Variants in SORD observed in about 807,000 individuals in gnomAD.
SORD encodes the protein sorbitol dehydrogenase.
Under a neutral mutation model 35.6 loss-of-function variants are expected in SORD, and 18 were observed. The observed-to-expected ratio is 0.51, with a 90% CI of 0.35 to 0.75. The LOEUF (loss-of-function observed/expected upper bound fraction) is 0.75, where lower values mean the gene tolerates loss of function less well. Ranked by LOEUF, SORD falls within the 30% of genes least tolerant of loss-of-function variation. The pLI is 0.01. For missense variants in SORD, 250 were observed against 390.2 expected (o/e 0.64, Z 3.03); for synonymous variants, 106 against 152.9 (o/e 0.69, Z 2.26).
intron 4 of SORD, among the ~76,000 whole-genome samples, chr15:45,063,762 C>A (rs1357982266): frequency 2.6e-5 from 4 of 152,162 alleles, no homozygotes; most frequent in African/African-American, 7.2e-5. Context: ...TGTCTAGGAA[C>A]CTGTGGAGTC....
At chr15:45,065,197 A>G (rs980552462) in intron 4 of SORD, 74 bp from the exon 5 acceptor site, 9 of 1,314,164 alleles carry the variant, frequency 6.8e-6, no homozygotes, top group East Asian at 2.3e-5. Context: ...TTACAGTGAC[A>G]TTGGGCATAT....
chr15:45,054,144 T>C (rs943269197), intron 3 of SORD, among the ~76,000 whole-genome samples: 2 of 152,138 alleles, frequency 1.3e-5, no homozygotes, highest in African/African-American at 4.8e-5. Context: ...ATTTATAGTC[T>C]TTTGGGTATA....
chr15:45,039,583 A>G (rs1307606660), intron 1 of SORD, among the ~76,000 whole-genome samples: 1 of 152,238 alleles, frequency 6.6e-6, no homozygotes, highest in Non-Finnish European at 1.5e-5. Flanking sequence ...TGCTACTGCT[A>G]CTACTACTAG....
chr15:45,055,241 C>G (rs1248538498), intron 3 of SORD, among the ~76,000 whole-genome samples: 1 of 151,626 alleles, frequency 6.6e-6, no homozygotes, highest in Non-Finnish European at 1.5e-5. Context: ...TTGGGCAGTG[C>G]TAGCAAGACT....
intron 1 of SORD, among the ~76,000 whole-genome samples, chr15:45,036,775 A>G (rs1892875658): frequency 6.6e-6 from 1 of 152,140 alleles, no homozygotes; most frequent in African/African-American, 2.4e-5. Context: ...GATTGAGATG[A>G]CAAAACCTTT....
intron 1 of SORD, 53 bp downstream of exon 1, chr15:45,023,402 G>T (rs1389187812): frequency 7.0e-7 from 1 of 1,428,938 alleles, no homozygotes; most frequent in Non-Finnish European, 9.3e-7. Flanking sequence ...ACTCTCCTCT[G>T]AGCCCAGCCA....
intron 1 of SORD, among the ~76,000 whole-genome samples, chr15:45,024,279 A>G (rs575254041): frequency 6.6e-6 from 1 of 152,292 alleles, no homozygotes; most frequent in East Asian, 1.9e-4. Flanking sequence ...ATGCGTCAGT[A>G]TGTAAACTGC....
chr15:45,039,317 T>C (rs1892928104), intron 1 of SORD, among the ~76,000 whole-genome samples: 3 of 152,172 alleles, frequency 2.0e-5, no homozygotes, highest in African/African-American at 7.2e-5. Context: ...TTGGTAGAGA[T>C]GGGTGTCACC....
At chr15:45,052,832 G>A (rs557759376) in intron 3 of SORD, among the ~76,000 whole-genome samples, 8 of 152,120 alleles carry the variant, frequency 5.3e-5, no homozygotes, top group Non-Finnish European at 1.2e-4. Flanking sequence ...CAGGCTGAGC[G>A]ATATGATAAC....
intron 3 of SORD, among the ~76,000 whole-genome samples, chr15:45,045,500 G>A (rs1265324522): frequency 5.3e-5 from 7 of 132,364 alleles, no homozygotes; most frequent in Middle Eastern, 6.5e-3. Flanking sequence ...GCCACTGCAT[G>A]CCAGCTTTCC....
intron 4 of SORD, among the ~76,000 whole-genome samples, chr15:45,062,383 G>A (rs1440459583): frequency 6.6e-6 from 1 of 152,216 alleles, no homozygotes. Context: ...GCCCCCCATG[G>A]CCCCAGCCGT....
chr15:45,038,362 G>C (rs1209251053), intron 1 of SORD, among the ~76,000 whole-genome samples: 2 of 152,142 alleles, frequency 1.3e-5, no homozygotes, highest in Non-Finnish European at 2.9e-5. Flanking sequence ...GATGTACCAT[G>C]TAGGGTTTTT....
chr15:45,062,410 G>A (rs1420585097), intron 4 of SORD, among the ~76,000 whole-genome samples: 4 of 152,200 alleles, frequency 2.6e-5, no homozygotes, highest in South Asian at 2.1e-4. Flanking sequence ...CTAGGGTGCC[G>A]AAGTGCCGCT....
At chr15:45,024,151 T>G (rs567090073) in intron 1 of SORD, among the ~76,000 whole-genome samples, 1 of 152,306 alleles carries the variant, frequency 6.6e-6, no homozygotes, top group East Asian at 1.9e-4. Context: ...AGCAGCCTAG[T>G]CATGCCAAGC....
chr15:45,048,699 A>T (rs1348806175), intron 3 of SORD, among the ~76,000 whole-genome samples: 1 of 152,218 alleles, frequency 6.6e-6, no homozygotes, highest in Non-Finnish European at 1.5e-5. Flanking sequence ...CATGACCAGG[A>T]AAATTAAGGA....
In SORD at chr15:45,064,038, G is replaced by T. The variant is rs375711359; in HGVS notation, c.426-1233G>T. On this transcript the variant is annotated intron_variant, in intron 4 of 8. Transcript: ENST00000267814. ...CTCCGAGTTATTCTGTTGAAGATTG[G>T]AGACAGTGTTGAAAGGATCATGGGG... Among the ~76,000 whole-genome samples the T allele has an allele frequency of 3.9e-3, 578 of 149,058 alleles. 4 individuals carry two copies. The highest frequency in any genetic ancestry group is 0.014 in the East Asian group (71 of 5,126).
At chr15:45,029,525 C>T (rs1892736242) in intron 1 of SORD, among the ~76,000 whole-genome samples, 1 of 152,278 alleles carries the variant, frequency 6.6e-6, no homozygotes, top group South Asian at 2.1e-4. Context: ...GTCCATGACC[C>T]TGAAGCCCCA....
intron 1 of SORD, among the ~76,000 whole-genome samples, chr15:45,035,009 C>A (rs1394891248): frequency 6.6e-6 from 1 of 152,114 alleles, no homozygotes; most frequent in Non-Finnish European, 1.5e-5. Context: ...GCTGGGTCCC[C>A]CAGCAGTGCC....
chr15:45,052,830 G>A (rs1210257357), intron 3 of SORD, among the ~76,000 whole-genome samples: 1 of 152,174 alleles, frequency 6.6e-6, no homozygotes, highest in Non-Finnish European at 1.5e-5. Context: ...AGCAGGCTGA[G>A]CGATATGATA....
Sources: gnomAD v4.1 joint callset for allele counts (sites outside exome capture counted in the v4.1 genomes callset) on GRCh38, gnomAD v4.1.1 for gene constraint, MANE v1.5 for transcripts, NCBI Gene and HGNC (gene_info 2026-07-23, HGNC 2026-07-21) for gene names.